Variants in MAP4K2 observed in about 807,000 individuals in gnomAD.
The protein encoded by MAP4K2 is B lymphocyte serine/threonine protein kinase.
A neutral mutation model predicts 125.3 loss-of-function variants in MAP4K2; 85 were observed. The observed-to-expected ratio is 0.68, with a 90% CI of 0.57 to 0.81. MAP4K2 has a LOEUF of 0.81. Ranked by LOEUF, MAP4K2 falls within the 40% of genes least tolerant of loss-of-function variation. The pLI is 0.00. For synonymous variants in MAP4K2, 479 were observed against 445.1 expected, an observed-to-expected ratio of 1.08 and a Z score of -0.96; for missense variants, 923 against 1,056.4, an observed-to-expected ratio of 0.87 and a Z score of 1.75.
chr11:64,795,757 C>T (rs926584610), intron 24 of MAP4K2, among the ~76,000 whole-genome samples: 1 of 152,090 alleles, frequency 6.6e-6, no homozygotes, highest in Non-Finnish European at 1.5e-5. Context: ...TGATTTCAAA[C>T]ACATGGCCTC....
chr11:64,802,317 G>T (rs1405406123), intron 4 of MAP4K2, 102 bp downstream of exon 4: 1 of 1,281,768 alleles, frequency 7.8e-7, no homozygotes, highest in Non-Finnish European at 1.1e-6. Flanking sequence ...GGCAGGAGTG[G>T]AGAGGAGCCC....
chr11:64,794,659 C>G (rs753012963), intron 24 of MAP4K2, among the ~76,000 whole-genome samples: 1 of 152,158 alleles, frequency 6.6e-6, no homozygotes, highest in Non-Finnish European at 1.5e-5. Flanking sequence ...TGCCTGGCCC[C>G]CAGGCAAACT....
In MAP4K2 at chr11:64,789,873, C is replaced by T; in HGVS notation, c.2319+16G>A. ...CCACAAGGCAGGGGACAGCAAGGTC[C>T]CTGGGCCCCACTCACCTCATTGGTA... On this transcript the variant is annotated intron_variant, in intron 30 of 31. Coordinates refer to ENST00000294066, the MANE Select transcript of MAP4K2 (RefSeq NM_004579.5). The T allele has an allele frequency of 6.2e-7, 1 of 1,614,014 alleles. No homozygotes were observed. Among genetic ancestry groups the T allele is most frequent in the Non-Finnish European group, 8.5e-7 (1 of 1,179,988 alleles).
chr11:64,794,080 CG>C (rs1189911762), intron 24 of MAP4K2, among the ~76,000 whole-genome samples: 1 of 152,192 alleles, frequency 6.6e-6, no homozygotes. Flanking sequence ...ATGACAATGT[CG>C]GGGGCCCATA....
intron 15 of MAP4K2, 68 bp downstream of exon 15, chr11:64,798,726 C>T (rs1940978530): frequency 2.2e-5 from 34 of 1,568,026 alleles, no homozygotes; most frequent in Middle Eastern, 1.7e-4. Flanking sequence ...TGAGCCACCA[C>T]GCCCGGTCAG....
rs991838332 is a variant in MAP4K2 at position 64,786,677 on chromosome 11, C to T, written c.*2860G>A. The T allele has an allele frequency of 2.0e-5, 3 of 152,208 alleles. No individual in the cohort carries two copies. Among genetic ancestry groups the T allele is most frequent in the Admixed American group, 6.5e-5 (1 of 15,272 alleles). 9.4% of individuals were successfully genotyped at this position (152,208 alleles called of 1,614,324 possible). The stretch of plus-strand genomic sequence containing the variant: ...GGCAACTGGACAGCAGCTATCACCA[C>T]GGCATATGTAGCCACCGCTAACTCA... On this transcript the variant is annotated 3_prime_UTR_variant, in exon 32 of 32. Coordinates refer to ENST00000294066, the MANE Select transcript of MAP4K2 (RefSeq NM_004579.5).
chr11:64,797,547 G>C lies in MAP4K2; in HGVS notation c.1137-13C>G. ...AATAGTCAGACTCCTGTGGGAGGGA[G>C]ATGAGGCGTGAGGCATGAGGTGTGA... On this transcript the variant is annotated splice_polypyrimidine_tract_variant and intron_variant, in intron 16 of 31. Transcript: ENST00000294066. 1.9e-6 allele frequency: 3 copies of C among 1,572,132 alleles called. No homozygotes were observed. The highest frequency in any genetic ancestry group is 2.3e-5 in the East Asian group (1 of 42,722).
chr11:64,791,763 C>G (rs981253347), intron 27 of MAP4K2, 146 bp downstream of exon 27: 30 of 829,338 alleles, frequency 3.6e-5, no homozygotes, highest in Non-Finnish European at 5.1e-5. Flanking sequence ...GCTGTGGGCC[C>G]CAGACCCCAC....
rs1207604397 is a variant in MAP4K2 at position 64,792,217 on chromosome 11, G to A, written c.1869C>T (p.Leu623=). ...FLLAALPTSL[L]LLQWYEPLQK... ...GCAGCGGCTCATACCACTGCAGCAG[G>A]AGCAGGCTGGTGGGCAGGGCGGCCA... is the stretch of plus-strand genomic sequence containing the variant. The change falls in exon 26 of 32, where the codon CTC becomes CTT. Residue 623 remains leucine, a synonymous_variant. Transcript: ENST00000294066. 49 of 1,612,442 alleles carry A rather than the reference G, an allele frequency of 3.0e-5. No homozygotes were observed. The highest frequency in any genetic ancestry group is 3.6e-5 in the Non-Finnish European group (43 of 1,179,748).
chr11:64,800,534 G>A lies in MAP4K2; in HGVS notation c.726-142C>T, dbSNP rs547249116. ...CAGCCGAGGCCAAGGGCCACTGGCCGAGCAACGCTGCCTTGCGACACAGCG... is the reference window on the plus strand; with the variant it reads ...CAGCCGAGGCCAAGGGCCACTGGCCAAGCAACGCTGCCTTGCGACACAGCG... On this transcript the variant is annotated intron_variant, in intron 10 of 31. Transcript: ENST00000294066. 275 of 1,095,124 alleles carry A rather than the reference G, an allele frequency of 2.5e-4. No individual in the cohort carries two copies. In the African/African-American group the frequency reaches 3.6e-3, roughly 14 times the overall value. The allele number at this position is 1,095,124 out of a possible 1,614,324, so 67.8% of individuals were successfully genotyped here.
rs1941125465 is a variant in MAP4K2 at position 64,800,883 on chromosome 11, G to T, written c.662+17C>A. 6.2e-7 allele frequency: 1 copy of T among 1,613,864 alleles called. No individual in the cohort carries two copies. The highest frequency in any genetic ancestry group is 1.3e-5 in the African/African-American group (1 of 74,950). ...CCGCAGATCAAGGGTCAGGTGAGGGGCAAGTGTTGGGCTGACCTCATGGGG... is the reference window on the plus strand; with the variant it reads ...CCGCAGATCAAGGGTCAGGTGAGGGTCAAGTGTTGGGCTGACCTCATGGGG... On this transcript the variant is annotated intron_variant, in intron 9 of 31. Transcript: ENST00000294066.
In MAP4K2 at chr11:64,789,754, A is replaced by G. The variant is rs1417829576; in HGVS notation, c.2351T>C (p.Ile784Thr). 1 of 1,614,066 alleles carries G rather than the reference A, an allele frequency of 6.2e-7. No individual in the cohort carries two copies. Among genetic ancestry groups the G allele is most frequent in the Non-Finnish European group, 8.5e-7 (1 of 1,179,984 alleles). Reference protein sequence around the residue: ...VTQEITDETRIFRVLGAHRDI... With the variant: ...VTQEITDETRTFRVLGAHRDI... Reference sequence around the variant, plus strand: ...CCTGTGGGCCCCAAGCACTCGGAAGATCCTTGTTTCATCTGTGATCTCCTG... The same window carrying G: ...CCTGTGGGCCCCAAGCACTCGGAAGGTCCTTGTTTCATCTGTGATCTCCTG... The change falls in exon 31 of 32, where the codon ATC becomes ACC. Residue 784 changes from isoleucine to threonine, a missense_variant. Physicochemically the swap from Ile to Thr is moderately conservative, Grantham distance 89. Coordinates refer to ENST00000294066, the MANE Select transcript of MAP4K2 (RefSeq NM_004579.5).
chr11:64,797,566 G>C, intron 16 of MAP4K2, 32 bp from the exon 17 acceptor site: 1 of 1,575,154 alleles, frequency 6.3e-7, no homozygotes, highest in South Asian at 1.2e-5. Flanking sequence ...TGAGGCATGA[G>C]GTGTGACTGG....
intron 10 of MAP4K2, 79 bp downstream of exon 10, chr11:64,800,685 C>T (rs1342136690): frequency 2.0e-6 from 3 of 1,535,952 alleles, no homozygotes; most frequent in East Asian, 4.9e-5. Context: ...GGGGTTGCCC[C>T]CCGGGAGTTG....
intron 18 of MAP4K2, 23 bp from the exon 19 acceptor site, chr11:64,797,215 AT>A (rs1339477318): frequency 2.5e-6 from 4 of 1,610,800 alleles, no homozygotes; most frequent in Non-Finnish European, 3.4e-6. Context: ...GCGTGCTGTA[AT>A]TTCCTGCTGT....
chr11:64,798,196 C>T (rs539560013), intron 15 of MAP4K2, among the ~76,000 whole-genome samples: 3 of 151,832 alleles, frequency 2.0e-5, no homozygotes, highest in Non-Finnish European at 2.9e-5. Context: ...GATGGAGTCT[C>T]GCTCTGTTGC....
At chr11:64,802,253 T>C (rs1941241775) in intron 4 of MAP4K2, 132 bp from the exon 5 acceptor site, 2 of 1,068,884 alleles carry the variant, frequency 1.9e-6, no homozygotes, top group Non-Finnish European at 2.8e-6. Flanking sequence ...CCCAGTTTAG[T>C]CTAGGATACT....
chr11:64,797,058 C>A, intron 19 of MAP4K2, 35 bp from the exon 20 acceptor site: 1 of 1,614,094 alleles, frequency 6.2e-7, no homozygotes, highest in Non-Finnish European at 8.5e-7. Flanking sequence ...GCTGATATGA[C>A]AGCTGTAGCC....
In MAP4K2 at chr11:64,797,089, G is replaced by A. The variant is rs1191090061; in HGVS notation, c.1365+15C>T. 1 of 1,614,022 alleles carries A rather than the reference G, an allele frequency of 6.2e-7. No individual in the cohort carries two copies. The highest frequency in any genetic ancestry group is 1.3e-5 in the African/African-American group (1 of 74,914). On this transcript the variant is annotated intron_variant, in intron 19 of 31. Coordinates refer to ENST00000294066, the MANE Select transcript of MAP4K2 (RefSeq NM_004579.5). The stretch of plus-strand genomic sequence containing the variant: ...TAGCCGCCCGTCTCCCCACCCCACT[G>A]TAGCACCCTCTTACCTCAGGATCCT...
Sources: allele counts gnomAD v4.1 joint callset (sites outside exome capture counted in the v4.1 genomes callset), GRCh38; gene constraint gnomAD v4.1.1; transcripts MANE v1.5; gene names NCBI Gene and HGNC (gene_info 2026-07-23, HGNC 2026-07-21).